Variants in RASA1 observed in about 807,000 individuals in gnomAD.
RASA1 encodes RAS p21 protein activator 1.
In RASA1, 25 loss-of-function variants were observed where a neutral mutation model predicts 132.2. The ratio of observed to expected loss-of-function variants is 0.19; its 90% CI spans 0.14 to 0.26. RASA1 has a LOEUF of 0.26. Among genes scored for constraint, RASA1 ranks in the 10% least tolerant of loss-of-function variants. The probability of loss-of-function intolerance (pLI) is 1.00; values close to 1 mark genes in which losing one functional copy is unlikely to be tolerated. For synonymous variants in RASA1, 477 were observed against 449.9 expected (o/e 1.06, Z -0.76); for missense variants, 964 against 1,299.2 (o/e 0.74, Z 3.97).
chr5:87,347,451 A>T (rs922735463), intron 7 of RASA1, among the ~76,000 whole-genome samples: 1 of 152,048 alleles, frequency 6.6e-6, no homozygotes, highest in Non-Finnish European at 1.5e-5. Context: ...GGCAAACCAC[A>T]TCTTATAAAG....
intron 1 of RASA1, among the ~76,000 whole-genome samples, chr5:87,308,283 G>A (rs1755714159): frequency 6.6e-6 from 1 of 151,758 alleles, no homozygotes; most frequent in Admixed American, 6.6e-5. Context: ...CAAATAAATA[G>A]TTTGAGAGAA....
intron 11 of RASA1, among the ~76,000 whole-genome samples, chr5:87,365,511 A>C (rs1243221972): frequency 6.6e-6 from 1 of 152,124 alleles, no homozygotes; most frequent in African/African-American, 2.4e-5. Flanking sequence ...TTTTTCGATT[A>C]ACAGAGAAGT....
intron 1 of RASA1, among the ~76,000 whole-genome samples, chr5:87,327,306 CTT>C (rs1039176590): frequency 6.6e-6 from 1 of 152,128 alleles, no homozygotes; most frequent in Non-Finnish European, 1.5e-5. Context: ...ACTCTAGAGT[CTT>C]TTAACCGTTC....
Position 87,291,701 on chromosome 5 carries a change from C to T in RASA1, c.539+22711C>T, listed in dbSNP as rs115646748. ...TTGTTGTAAAGTGTGGCACCTTGCCCGCTACTCACTCTTGCTCTGCTTTCA... is the reference window on the plus strand; with the variant it reads ...TTGTTGTAAAGTGTGGCACCTTGCCTGCTACTCACTCTTGCTCTGCTTTCA... On this transcript the variant is annotated intron_variant, in intron 1 of 24. Coordinates refer to ENST00000274376, the MANE Select transcript of RASA1 (RefSeq NM_002890.3). Among the ~76,000 whole-genome samples the T allele has an allele frequency of 7.5e-3, 1,146 of 152,186 alleles. 17 individuals are homozygous for T. The highest frequency in any genetic ancestry group is 0.027 in the African/African-American group (1,105 of 41,528).
intron 1 of RASA1, among the ~76,000 whole-genome samples, chr5:87,312,081 A>G (rs1755958902): frequency 6.6e-6 from 1 of 152,222 alleles, no homozygotes; most frequent in Admixed American, 6.5e-5. Flanking sequence ...GTGAAGCAGT[A>G]TTTTTCAGAT....
In RASA1 at chr5:87,374,191, A is replaced by C; in HGVS notation, c.1805A>C (p.Glu602Ala). ...AGCAGCCTTGTTTTACATATTGAAG[A>C]AGCCCATAAACTCCCAGTAAAACAT... Reference protein sequence around the residue: ...QVSSLVLHIEEAHKLPVKHFT... With the variant: ...QVSSLVLHIEAAHKLPVKHFT... Residue 602 changes from glutamate (E) to alanine (A), a missense_variant, in exon 14 of 25, where the codon GAA becomes GCA. Transcript: ENST00000274376. 6.4e-7 allele frequency: 1 copy of C among 1,564,880 alleles called. No individual in the cohort carries two copies. The highest frequency in any genetic ancestry group is 8.7e-7 in the Non-Finnish European group (1 of 1,151,974).
At chr5:87,299,235 G>A (rs1022115201) in intron 1 of RASA1, among the ~76,000 whole-genome samples, 2 of 152,116 alleles carry the variant, frequency 1.3e-5, no homozygotes, top group Non-Finnish European at 2.9e-5. Flanking sequence ...GGCGTGTTTT[G>A]AGAAACATAG....
intron 1 of RASA1, among the ~76,000 whole-genome samples, chr5:87,287,781 TGTAC>T: frequency 7.1e-6 from 1 of 141,490 alleles, no homozygotes; most frequent in South Asian, 2.2e-4. Flanking sequence ...ATACCATATA[TGTAC>T]ACGCCATATA....
At chr5:87,273,305 GTT>G (rs1753925268) in intron 1 of RASA1, among the ~76,000 whole-genome samples, 1 of 152,024 alleles carries the variant, frequency 6.6e-6, no homozygotes, top group Non-Finnish European at 1.5e-5. Flanking sequence ...ATTTTTGAAA[GTT>G]TTGAGAAAAT....
chr5:87,325,541 C>G (rs1181980626), intron 1 of RASA1, among the ~76,000 whole-genome samples: 1 of 152,186 alleles, frequency 6.6e-6, no homozygotes, highest in Non-Finnish European at 1.5e-5. Flanking sequence ...GTAGTATGAT[C>G]AGGCACACAG....
At chr5:87,376,860 T>C (rs1439699854) in intron 16 of RASA1, 21 bp from the exon 17 acceptor site, 1 of 1,573,006 alleles carries the variant, frequency 6.4e-7, no homozygotes, top group East Asian at 2.2e-5. Context: ...CTTTAAACAA[T>C]CTTTTAAAAT....
intron 1 of RASA1, among the ~76,000 whole-genome samples, chr5:87,290,711 T>C (rs1034886311): frequency 1.3e-5 from 2 of 152,218 alleles, no homozygotes; most frequent in Non-Finnish European, 2.9e-5. Flanking sequence ...TTTTACCTTC[T>C]CCAGGATGTT....
chr5:87,335,185 C>T (rs1485071948), intron 4 of RASA1, among the ~76,000 whole-genome samples: 1 of 151,910 alleles, frequency 6.6e-6, no homozygotes, highest in East Asian at 1.9e-4. Context: ...CCTGGCTTAG[C>T]TGTTACTTTT....
Position 87,379,787 on chromosome 5 carries a change from A to G in RASA1, c.2540A>G (p.His847Arg), listed in dbSNP as rs1316341182. Residue 847 changes from histidine to arginine, a missense_variant, in exon 19 of 25, where the codon CAC becomes CGC. Coordinates refer to ENST00000274376, the MANE Select transcript of RASA1 (RefSeq NM_002890.3). The part of the protein sequence containing the change: ...KNEDVNTNLT[H>R]LLNILSELVE... The stretch of plus-strand genomic sequence containing the variant: ...GAAGATGTGAACACTAATTTAACAC[A>G]CCTATTGAACATACTTTCAGAGCTT... The G allele has an allele frequency of 6.2e-7, 1 of 1,612,910 alleles. No homozygotes were observed. Among genetic ancestry groups the G allele is most frequent in the Non-Finnish European group, 8.5e-7 (1 of 1,179,210 alleles).
At chr5:87,384,957 A>G (rs2112512249) in intron 21 of RASA1, among the ~76,000 whole-genome samples, 1 of 152,158 alleles carries the variant, frequency 6.6e-6, no homozygotes, top group East Asian at 1.9e-4. Context: ...GAACTGTCAT[A>G]AAAGATGTGA....
chr5:87,345,579 C>T (rs972479134), intron 6 of RASA1, among the ~76,000 whole-genome samples: 4 of 152,074 alleles, frequency 2.6e-5, no homozygotes, highest in African/African-American at 9.7e-5. Context: ...CAGGGAGCAC[C>T]AGGAGATCTG....
rs762651124 is a variant in RASA1, at chr5:87,376,990, T to G, written c.2294T>G (p.Leu765Arg). ...CTGAGGATTTTTCTTCACGAAAAGC[T>G]TGAATCGTTGTTGTTATGCACACTA... ...ILLRIFLHEK[L>R]ESLLLCTLND... The change falls in exon 17 of 25, where the codon CTT (leucine) becomes CGT (arginine). Residue 765 changes from leucine to arginine, a missense_variant. Around this residue, in one of 6 missense-constraint regions of RASA1, gnomAD observed 346 missense variants for 520.1 expected, o/e 0.67. Transcript: ENST00000274376. The G allele has an allele frequency of 6.2e-7, 1 of 1,613,804 alleles. No individual in the cohort carries two copies. Among genetic ancestry groups the G allele is most frequent in the East Asian group, 2.2e-5 (1 of 44,842 alleles).
intron 11 of RASA1, 45 bp downstream of exon 11, chr5:87,363,549 A>G (rs773008878): frequency 6.3e-7 from 1 of 1,582,644 alleles, no homozygotes; most frequent in East Asian, 2.2e-5. Context: ...TGTCTTAATA[A>G]TAAAATAGTA....
intron 9 of RASA1, among the ~76,000 whole-genome samples, chr5:87,360,229 C>T (rs1298502076): frequency 4.6e-5 from 7 of 150,760 alleles, no homozygotes; most frequent in East Asian, 3.9e-4. Flanking sequence ...TGGGTTCAAG[C>T]GATTCTCCTC....
Sources: gnomAD v4.1 joint callset for allele counts (sites outside exome capture counted in the v4.1 genomes callset) on GRCh38, gnomAD v4.1.1 for gene constraint, gnomAD v4.1.1 regional missense constraint, MANE v1.5 for transcripts, NCBI Gene and HGNC (gene_info 2026-07-23, HGNC 2026-07-21) for gene names.